The following ZNF652 variants were observed in gnomAD, a reference collection of about 807,000 sequenced individuals.
The protein encoded by ZNF652 is zinc finger protein 652.
A neutral mutation model predicts 45.2 loss-of-function variants in ZNF652; 16 were observed. The observed-to-expected ratio is 0.35, with a 90% CI of 0.24 to 0.54. ZNF652 has a LOEUF of 0.54. Ranked by LOEUF, ZNF652 falls within the 20% of genes least tolerant of loss-of-function variation. ZNF652 has a pLI of 0.91. For synonymous variants in ZNF652, 250 were observed against 260.6 expected (o/e 0.96, Z 0.39); for missense variants, 614 against 765.6 (o/e 0.80, Z 2.34).
At position 49,339,706 on chromosome 17, in the gene ZNF652, C is replaced by T. The variant is rs116247913; in HGVS notation, c.-258-21723G>A. On this transcript the variant is annotated intron_variant, in intron 1 of 5. Coordinates refer to ENST00000430262, the MANE Select transcript of ZNF652 (RefSeq NM_001145365.3). ...CAAGCGATTTTCCATTAAATATTCT[C>T]CCAGATGTTCTGGAATTTTTTTTGT... is the stretch of plus-strand genomic sequence containing the variant. Among the ~76,000 whole-genome samples the T allele has an allele frequency of 6.9e-3, 1,056 of 152,304 alleles. 9 individuals are homozygous for T. The highest frequency in any genetic ancestry group is 0.024 in the African/African-American group (1,003 of 41,580).
At chr17:49,304,068 T>TATTTA (rs1555625479) in intron 5 of ZNF652, among the ~76,000 whole-genome samples, 1 of 144,588 alleles carries the variant, frequency 6.9e-6, no homozygotes, top group African/African-American at 2.5e-5. Flanking sequence ...TTTTTTTTTT[T>TATTTA]TTTTTGTATT....
rs528232622 is a variant in ZNF652 at position 49,322,754 on chromosome 17, A to G, written c.-258-4771T>C. On this transcript the variant is annotated intron_variant, in intron 1 of 5. Coordinates refer to ENST00000430262, the MANE Select transcript of ZNF652 (RefSeq NM_001145365.3). ...CAAAAAATTAGCTGGGTGTGGAGGC[A>G]GGCACCTGTAGTCCGAGCTACTCGG... 2.2e-3 allele frequency among the ~76,000 whole-genome samples: 337 copies of G among 152,244 alleles called. 1 individual carries two copies. The highest frequency in any genetic ancestry group is 7.6e-3 in the African/African-American group (315 of 41,538).
At chr17:49,336,942 GTTTTTTT>G (rs200178711) in intron 1 of ZNF652, among the ~76,000 whole-genome samples, 184 of 115,144 alleles carry the variant, frequency 1.6e-3, no homozygotes, top group Middle Eastern at 5.2e-3. Flanking sequence ...TCTTAATGGT[GTTTTTTT>G]TTTTTTTTTT....
chr17:49,304,055 A>AT (rs58790188), intron 5 of ZNF652, among the ~76,000 whole-genome samples: 37,793 of 117,136 alleles, frequency 0.32, 6,267 homozygotes, highest in Non-Finnish European at 0.38. Flanking sequence ...TGCCTGGCTA[A>AT]TTTTTTTTTT....
chr17:49,347,319 C>A (rs6504608), intron 1 of ZNF652, among the ~76,000 whole-genome samples: 54,438 of 152,018 alleles, frequency 0.36, 9,996 homozygotes, highest in Non-Finnish European at 0.38. Flanking sequence ...AATCCCAACA[C>A]TTTGGAAGGC....
chr17:49,316,472 T>G (rs1488524447), intron 2 of ZNF652, among the ~76,000 whole-genome samples: 3 of 152,154 alleles, frequency 2.0e-5, no homozygotes, highest in African/African-American at 7.2e-5. Context: ...CTCCTAACCT[T>G]TAATCAGTAA....
At chr17:49,345,518 A>G (rs1053080541) in intron 1 of ZNF652, among the ~76,000 whole-genome samples, 4 of 150,892 alleles carry the variant, frequency 2.7e-5, no homozygotes, top group Non-Finnish European at 4.4e-5. Flanking sequence ...TTTCTTCAAT[A>G]AACAAAACAA....
At chr17:49,332,850 C>A (rs143093630) in intron 1 of ZNF652, among the ~76,000 whole-genome samples, 4 of 152,032 alleles carry the variant, frequency 2.6e-5, no homozygotes, top group Non-Finnish European at 5.9e-5. Context: ...CTTCTCCCTA[C>A]CCCCTTTTCT....
rs1044285205 is a variant in ZNF652, at chr17:49,295,025, C to T, written c.*3388G>A. On this transcript the variant is annotated 3_prime_UTR_variant, in exon 6 of 6. Transcript: ENST00000430262. ...TTCAACCCTGAGTTTGAGTCTTAAG[C>T]ATGTTAAACGTGTTGCACATATATG... The T allele has an allele frequency of 1.3e-5, 2 of 152,022 alleles. No homozygotes were observed. The highest frequency in any genetic ancestry group is 6.6e-5 in the Admixed American group (1 of 15,252). The allele number at this position is 152,022 out of a possible 1,614,324, so 9.4% of individuals were successfully genotyped here. A position where few individuals can be genotyped will look rare whatever the true frequency, so the allele number is the denominator to read the frequency against.
chr17:49,310,012 G>A (rs1369337613), intron 5 of ZNF652, among the ~76,000 whole-genome samples: 1 of 152,010 alleles, frequency 6.6e-6, no homozygotes, highest in African/African-American at 2.4e-5. Context: ...GGAGTGCAGT[G>A]GTGCGATCTT....
chr17:49,325,809 T>G (rs1267304395), intron 1 of ZNF652, among the ~76,000 whole-genome samples: 1 of 152,174 alleles, frequency 6.6e-6, no homozygotes, highest in Non-Finnish European at 1.5e-5. Flanking sequence ...TTATTATGGT[T>G]AATTTTATTT....
chr17:49,352,439 C>G (rs1419357346), intron 1 of ZNF652, among the ~76,000 whole-genome samples: 1 of 152,068 alleles, frequency 6.6e-6, no homozygotes, highest in Non-Finnish European at 1.5e-5. Context: ...CAGAGCTGAG[C>G]CTAGTACCCA....
chr17:49,326,110 T>TATGTA (rs2069953089), intron 1 of ZNF652, among the ~76,000 whole-genome samples: 1 of 151,924 alleles, frequency 6.6e-6, no homozygotes, highest in Admixed American at 6.6e-5. Context: ...AAAGCAGAGC[T>TATGTA]ATGTAGCAAA....
intron 1 of ZNF652, among the ~76,000 whole-genome samples, chr17:49,355,886 G>A (rs564748196): frequency 5.4e-4 from 82 of 151,696 alleles, no homozygotes; most frequent in Middle Eastern, 6.8e-3. Flanking sequence ...GCAACATAGC[G>A]AGACACCAAT....
Position 49,290,432 on chromosome 17 carries a change from G to A in ZNF652, c.*7981C>T, listed in dbSNP as rs2069389990. ...CTGGAGTGCCCGTTGCACTGGTCAG[G>A]AGGAAGTGCCTGACCTAGAGGACTT... On this transcript the variant is annotated 3_prime_UTR_variant, in exon 6 of 6. Transcript: ENST00000430262. 6.6e-6 allele frequency: 1 copy of A among 152,258 alleles called. No individual in the cohort carries two copies. The highest frequency in any genetic ancestry group is 1.5e-5 in the Non-Finnish European group (1 of 68,056). The allele number at this position is 152,258 out of a possible 1,614,324, so 9.4% of individuals were successfully genotyped here. A position where few individuals can be genotyped will look rare whatever the true frequency, so the allele number is the denominator to read the frequency against.
intron 1 of ZNF652, among the ~76,000 whole-genome samples, chr17:49,356,002 A>C (rs768802373): frequency 1.3e-5 from 2 of 152,186 alleles, no homozygotes; most frequent in African/African-American, 4.8e-5. Context: ...AAAAGTATAC[A>C]GGTTTTGCTC....
At position 49,346,564 on chromosome 17, in the gene ZNF652, A is replaced by T. The variant is rs369646343; in HGVS notation, c.-259+15345T>A. Among the ~76,000 whole-genome samples the T allele has an allele frequency of 2.4e-3, 355 of 146,690 alleles. 3 individuals are homozygous for T. Among genetic ancestry groups the T allele is most frequent in the Non-Finnish European group, 2.5e-3 (162 of 65,850 alleles). On this transcript the variant is annotated intron_variant, in intron 1 of 5. Transcript: ENST00000430262. Reference sequence around the variant, plus strand: ...GAAACTCCGTCTCAAACAAACAAACAAACTACTATTCCTATAGGGCCACAT... The same window carrying T: ...GAAACTCCGTCTCAAACAAACAAACTAACTACTATTCCTATAGGGCCACAT...
intron 1 of ZNF652, among the ~76,000 whole-genome samples, chr17:49,334,462 C>T (rs540320803): frequency 1.7e-4 from 26 of 151,974 alleles, no homozygotes; most frequent in Non-Finnish European, 3.5e-4. Flanking sequence ...CCAGTCTGGG[C>T]AACAGAGTGA....
intron 1 of ZNF652, among the ~76,000 whole-genome samples, chr17:49,320,445 T>C (rs1314596916): frequency 6.6e-6 from 1 of 152,214 alleles, no homozygotes; most frequent in Non-Finnish European, 1.5e-5. Context: ...CACAAGTCGC[T>C]CAAACGACAG....
Sources: allele counts gnomAD v4.1 joint callset (sites outside exome capture counted in the v4.1 genomes callset), GRCh38; gene constraint gnomAD v4.1.1; transcripts MANE v1.5; gene names NCBI Gene and HGNC (gene_info 2026-07-23, HGNC 2026-07-21).